The following CEMIP variants were observed in gnomAD, a reference collection of about 807,000 sequenced individuals.
The protein encoded by CEMIP is cell migration-inducing and hyaluronan-binding protein.
A neutral mutation model predicts 156.9 loss-of-function variants in CEMIP; 105 were observed. The ratio of observed to expected loss-of-function variants is 0.67; its 90% CI spans 0.57 to 0.79. CEMIP has a LOEUF of 0.79. Among genes scored for constraint, CEMIP ranks in the 30% least tolerant of loss-of-function variants. The pLI, the probability that CEMIP is intolerant of heterozygous loss-of-function variation, is 0.00. For missense variants in CEMIP, 1,457 were observed against 1,769.4 expected (o/e 0.82, Z 3.17); for synonymous variants, 676 against 668.4 (o/e 1.01, Z -0.17).
Position 80,909,313 on chromosome 15 carries a change from A to T in CEMIP, c.1797+7A>T. 6.2e-7 allele frequency: 1 copy of T among 1,613,486 alleles called. No individual in the cohort carries two copies. ...TGGCTCCAATGGCTTGTTGGTAAGA[A>T]CCTCCTTCCCTCAGGGAACTCTGGG... On this transcript the variant is annotated splice_region_variant and intron_variant, in intron 14 of 29. Transcript: ENST00000394685.
At chr15:80,920,981 G>A in intron 15 of CEMIP, 51 bp from the exon 16 acceptor site, 1 of 1,508,696 alleles carries the variant, frequency 6.6e-7, no homozygotes, top group Non-Finnish European at 9.2e-7. Flanking sequence ...GTGGCAGGAT[G>A]ACCCCTGGCG....
chr15:80,887,839 A>T, intron 8 of CEMIP, 75 bp downstream of exon 8: 3 of 1,234,412 alleles, frequency 2.4e-6, no homozygotes, highest in Non-Finnish European at 2.4e-6. Context: ...TTTTCTGAAC[A>T]TCTCACTTTT....
At chr15:80,925,579 G>T (rs991467703) in intron 18 of CEMIP, 45 bp from the exon 19 acceptor site, 1 of 1,605,358 alleles carries the variant, frequency 6.2e-7, no homozygotes, top group Non-Finnish European at 8.5e-7. Flanking sequence ...GCAGAGGCGT[G>T]CCCCCAACAC....
At chr15:80,782,279 G>T (rs964952901) in intron 1 of CEMIP, among the ~76,000 whole-genome samples, 1 of 152,176 alleles carries the variant, frequency 6.6e-6, no homozygotes, top group African/African-American at 2.4e-5. Flanking sequence ...GGCCTCTAAG[G>T]CCTGGTTTCT....
chr15:80,783,188 G>A (rs1020516305), intron 1 of CEMIP, among the ~76,000 whole-genome samples: 1 of 152,160 alleles, frequency 6.6e-6, no homozygotes, highest in Non-Finnish European at 1.5e-5. Context: ...CTGTGGTATC[G>A]GCAAAGCATC....
chr15:80,838,114 G>C (rs749989523), intron 1 of CEMIP, among the ~76,000 whole-genome samples: 1 of 152,198 alleles, frequency 6.6e-6, no homozygotes, highest in African/African-American at 2.4e-5. Flanking sequence ...CCTGCGATGT[G>C]GAAGTGTGAT....
intron 12 of CEMIP, chr15:80,897,155 A>G (rs1899259845): frequency 2.5e-6 from 1 of 392,642 alleles, no homozygotes; most frequent in Non-Finnish European, 5.1e-6. Context: ...GAGGTGTTAA[A>G]CGTATCACAT....
intron 1 of CEMIP, among the ~76,000 whole-genome samples, chr15:80,796,683 C>T (rs1457516299): frequency 6.6e-6 from 1 of 152,132 alleles, no homozygotes; most frequent in Non-Finnish European, 1.5e-5. Context: ...GTTGCTTAGA[C>T]CATTTATTCA....
intron 28 of CEMIP, among the ~76,000 whole-genome samples, chr15:80,943,580 T>G (rs1227136392): frequency 6.6e-6 from 1 of 152,208 alleles, no homozygotes; most frequent in African/African-American, 2.4e-5. Context: ...CTCATCCTAC[T>G]TCTTCAGTTT....
At chr15:80,934,797 GGAA>G (rs1262064742) in intron 23 of CEMIP, among the ~76,000 whole-genome samples, 4 of 152,138 alleles carry the variant, frequency 2.6e-5, no homozygotes, top group Admixed American at 6.5e-5. Flanking sequence ...GCATTTAGCA[GGAA>G]GAAGGACCAG....
chr15:80,909,342 G>A, intron 14 of CEMIP, 36 bp downstream of exon 14: 1 of 1,604,950 alleles, frequency 6.2e-7, no homozygotes, highest in Non-Finnish European at 8.5e-7. Context: ...CTCTGGGGAT[G>A]GGCCATGGAT....
At chr15:80,888,637 G>T in intron 8 of CEMIP, 64 bp from the exon 9 acceptor site, 1 of 1,403,066 alleles carries the variant, frequency 7.1e-7, no homozygotes, top group Non-Finnish European at 1.0e-6. Context: ...TCCTTGCCTT[G>T]GAGTCACAAC....
intron 1 of CEMIP, among the ~76,000 whole-genome samples, chr15:80,855,813 G>A (rs375849283): frequency 3.3e-5 from 5 of 152,162 alleles, no homozygotes; most frequent in South Asian, 4.1e-4. Context: ...GTGAGCCACC[G>A]CACCCAGCCC....
intron 1 of CEMIP, among the ~76,000 whole-genome samples, chr15:80,870,942 C>T (rs1483833122): frequency 6.6e-5 from 10 of 152,168 alleles, no homozygotes; most frequent in Non-Finnish European, 5.9e-5. Flanking sequence ...GTGAGGACAG[C>T]GGTCAACCAG....
At chr15:80,942,612 CTT>C (rs893331017) in intron 27 of CEMIP, among the ~76,000 whole-genome samples, 3 of 152,154 alleles carry the variant, frequency 2.0e-5, no homozygotes, top group African/African-American at 7.2e-5. Flanking sequence ...CTCCTCCTGC[CTT>C]TCTTTTGCAA....
intron 19 of CEMIP, among the ~76,000 whole-genome samples, chr15:80,928,251 G>C (rs1900766830): frequency 6.6e-6 from 1 of 152,066 alleles, no homozygotes; most frequent in Non-Finnish European, 1.5e-5. Flanking sequence ...CTCAGCTCTG[G>C]ATTCTGTGTA....
chr15:80,934,828 G>A (rs1901055909), intron 23 of CEMIP, among the ~76,000 whole-genome samples: 1 of 152,192 alleles, frequency 6.6e-6, no homozygotes, highest in African/African-American at 2.4e-5. Flanking sequence ...CAGGGCAGAG[G>A]GCAGGAAGCT....
chr15:80,780,641 G>C lies in CEMIP; in HGVS notation c.-176+1027G>C, dbSNP rs139813562. Among the ~76,000 whole-genome samples the C allele has an allele frequency of 1.9e-3, 283 of 152,346 alleles. 2 individuals carry two copies. The highest frequency in any genetic ancestry group is 6.3e-3 in the African/African-American group (261 of 41,580). Reference sequence around the variant, plus strand: ...TTTAAAAACTAATCTTCTGATGTGTGAGCCAGTGCCTGGCTGCAGCCCCAT... The same window carrying C: ...TTTAAAAACTAATCTTCTGATGTGTCAGCCAGTGCCTGGCTGCAGCCCCAT... On this transcript the variant is annotated intron_variant, in intron 1 of 29. Coordinates refer to ENST00000394685, the MANE Select transcript of CEMIP (RefSeq NM_001293298.2).
intron 1 of CEMIP, among the ~76,000 whole-genome samples, chr15:80,840,971 G>A (rs1437523357): frequency 1.3e-5 from 2 of 152,192 alleles, no homozygotes; most frequent in East Asian, 1.9e-4. Context: ...AGGGGAGGAG[G>A]ACACAGCTTT....
Sources: gnomAD v4.1 joint callset for allele counts (sites outside exome capture counted in the v4.1 genomes callset) on GRCh38, gnomAD v4.1.1 for gene constraint, MANE v1.5 for transcripts, NCBI Gene and HGNC (gene_info 2026-07-23, HGNC 2026-07-21) for gene names.